BAIAP2L1: variants seen among roughly 807,000 people sequenced by gnomAD.
The protein encoded by BAIAP2L1 is BAR/IMD domain-containing adapter protein 2-like 1.
In BAIAP2L1, 35 loss-of-function variants were observed where a neutral mutation model predicts 66.3. The observed-to-expected ratio is 0.53, with a 90% confidence interval of 0.40 to 0.70. The LOEUF is 0.70. BAIAP2L1 is among the 30% of genes least tolerant of loss of function. The pLI, the probability that BAIAP2L1 is intolerant of heterozygous loss-of-function variation, is 0.00. For synonymous variants in BAIAP2L1, 269 were observed against 248.7 expected (o/e 1.08, Z -0.77); for missense variants, 622 against 656.9 (o/e 0.95, Z 0.58).
chr7:98,296,834 C>T (rs528369133), intron 12 of BAIAP2L1, among the ~76,000 whole-genome samples: 13 of 152,220 alleles, frequency 8.5e-5, no homozygotes, highest in South Asian at 4.1e-4. Flanking sequence ...TTGGCACATA[C>T]GGTGCCTCTT....
intron 1 of BAIAP2L1, chr7:98,385,728 C>CTTTTTTTTTTTTTTTTTT: frequency 9.2e-7 from 1 of 1,087,096 alleles, no homozygotes; most frequent in Non-Finnish European, 1.3e-6. Context: ...ATCAACATTT[C>CTTTTTTTTTTTTTTTTTT]TTTTTTTTGT....
intron 12 of BAIAP2L1, among the ~76,000 whole-genome samples, chr7:98,298,328 A>G (rs1218774558): frequency 6.7e-6 from 1 of 149,950 alleles, no homozygotes; most frequent in Non-Finnish European, 1.5e-5. Context: ...AAAAAACATT[A>G]GGGGCTGGGT....
intron 3 of BAIAP2L1, among the ~76,000 whole-genome samples, chr7:98,352,298 T>C (rs909754242): frequency 5.3e-5 from 8 of 152,188 alleles, no homozygotes; most frequent in African/African-American, 1.9e-4. Flanking sequence ...AAGGACAGCT[T>C]GAAACTAAAT....
chr7:98,301,126 C>A (rs1041850185), intron 12 of BAIAP2L1, among the ~76,000 whole-genome samples: 2 of 152,192 alleles, frequency 1.3e-5, no homozygotes, highest in Non-Finnish European at 2.9e-5. Context: ...ACCCCTCCCC[C>A]ACAGCCATAC....
chr7:98,324,811 T>C (rs938161839), intron 3 of BAIAP2L1, among the ~76,000 whole-genome samples: 1 of 152,190 alleles, frequency 6.6e-6, no homozygotes, highest in African/African-American at 2.4e-5. Context: ...TATTAATATA[T>C]TTTCTTCATC....
chr7:98,339,872 G>A (rs1057402640), intron 3 of BAIAP2L1, among the ~76,000 whole-genome samples: 7 of 152,170 alleles, frequency 4.6e-5, no homozygotes, highest in Non-Finnish European at 1.0e-4. Flanking sequence ...CAAGGATGGT[G>A]ATGATGGCAG....
intron 9 of BAIAP2L1, chr7:98,309,527 T>C (rs984832800): frequency 2.0e-5 from 3 of 152,196 alleles, no homozygotes; most frequent in Non-Finnish European, 4.4e-5. Context: ...GCACAGAGTA[T>C]TACATACTTT....
intron 1 of BAIAP2L1, among the ~76,000 whole-genome samples, chr7:98,389,712 A>G (rs947227361): frequency 6.6e-6 from 1 of 152,090 alleles, no homozygotes; most frequent in African/African-American, 2.4e-5. Context: ...TGTGCCTTTC[A>G]AAGATACAGC....
At chr7:98,356,307 TA>T (rs1303159480) in intron 2 of BAIAP2L1, among the ~76,000 whole-genome samples, 1 of 152,144 alleles carries the variant, frequency 6.6e-6, no homozygotes, top group Non-Finnish European at 1.5e-5. Flanking sequence ...CTGGTTAGTG[TA>T]ATTTTGGAGA....
chr7:98,295,949 T>C (rs917198588), intron 12 of BAIAP2L1, among the ~76,000 whole-genome samples: 4 of 152,144 alleles, frequency 2.6e-5, no homozygotes, highest in Non-Finnish European at 4.4e-5. Flanking sequence ...CGTGCACGCA[T>C]GCCTGGGGCC....
chr7:98,306,535 A>C lies in BAIAP2L1; in HGVS notation c.1164-19T>G. On this transcript the variant is annotated intron_variant, in intron 10 of 13. Transcript: ENST00000005260. ...ACCCCTCCTACCGGCAAAGAGGGAGAAAAGACCCTATCAGCAGTAGACATG... is the reference window on the plus strand; with the variant it reads ...ACCCCTCCTACCGGCAAAGAGGGAGCAAAGACCCTATCAGCAGTAGACATG... 6.2e-7 allele frequency: 1 copy of C among 1,614,080 alleles called. No homozygotes were observed. Among genetic ancestry groups the C allele is most frequent in the South Asian group, 1.1e-5 (1 of 91,082 alleles).
chr7:98,292,849 T>A lies in BAIAP2L1; in HGVS notation c.*672A>T. On this transcript the variant is annotated 3_prime_UTR_variant, in exon 14 of 14. Coordinates refer to ENST00000005260, the MANE Select transcript of BAIAP2L1 (RefSeq NM_018842.5). Reference sequence around the variant, plus strand: ...GTGCAGCGAATCCGTTGGCGACTCCTAACTACCAAGAAAAGGAGCTCTCGG... The same window carrying A: ...GTGCAGCGAATCCGTTGGCGACTCCAAACTACCAAGAAAAGGAGCTCTCGG... 6.9e-7 allele frequency: 1 copy of A among 1,457,838 alleles called. No individual in the cohort carries two copies. Among genetic ancestry groups the A allele is most frequent in the Non-Finnish European group, 9.1e-7 (1 of 1,104,180 alleles). The allele number at this position is 1,457,838 out of a possible 1,614,324, so 90.3% of individuals were successfully genotyped here.
chr7:98,393,102 T>TAC (rs1803098093), intron 1 of BAIAP2L1, among the ~76,000 whole-genome samples: 1 of 95,094 alleles, frequency 1.1e-5, no homozygotes, highest in Admixed American at 1.0e-4. Context: ...TATATACGTG[T>TAC]ACATATATGT....
chr7:98,383,250 C>T (rs1304183590), intron 1 of BAIAP2L1, among the ~76,000 whole-genome samples: 1 of 150,838 alleles, frequency 6.6e-6, no homozygotes, highest in Non-Finnish European at 1.5e-5. Context: ...AGCTGCTATA[C>T]CAAGATGACT....
chr7:98,322,883 C>G (rs751827577), intron 3 of BAIAP2L1: 1 of 152,234 alleles, frequency 6.6e-6, no homozygotes, highest in African/African-American at 2.4e-5. Context: ...AACCAGCTTC[C>G]GAGCTGTACT....
intron 3 of BAIAP2L1, among the ~76,000 whole-genome samples, chr7:98,328,229 G>C (rs1801415022): frequency 6.6e-6 from 1 of 152,156 alleles, no homozygotes; most frequent in East Asian, 1.9e-4. Flanking sequence ...GGAGGCCGGA[G>C]AAGGGCCAGG....
In BAIAP2L1 at chr7:98,295,553, C is replaced by T. The variant is rs928142654; in HGVS notation, c.1423-1442G>A. Among the ~76,000 whole-genome samples the T allele has an allele frequency of 7.2e-5, 11 of 152,270 alleles. No individual in the cohort carries two copies. The East Asian group carries it at 1.9e-3, about 27-fold the overall frequency. Reference sequence around the variant, plus strand: ...CCAGGGTGCCTGTCGCATGTGCTCACGGTGCTGGCATTCGTGGACTCTGTT... The same window carrying T: ...CCAGGGTGCCTGTCGCATGTGCTCATGGTGCTGGCATTCGTGGACTCTGTT... On this transcript the variant is annotated intron_variant, in intron 12 of 13. Coordinates refer to ENST00000005260, the MANE Select transcript of BAIAP2L1 (RefSeq NM_018842.5).
intron 1 of BAIAP2L1, among the ~76,000 whole-genome samples, chr7:98,364,804 T>G (rs1281532289): frequency 6.6e-6 from 1 of 151,286 alleles, no homozygotes; most frequent in Non-Finnish European, 1.5e-5. Context: ...GGACAACATA[T>G]CGAGACTCCC....
intron 1 of BAIAP2L1, among the ~76,000 whole-genome samples, chr7:98,368,079 A>G (rs1022910032): frequency 2.6e-5 from 4 of 152,136 alleles, no homozygotes; most frequent in East Asian, 3.9e-4. Context: ...ACCTCTGGCA[A>G]TTCCTGAGCT....
Sources: allele counts gnomAD v4.1 joint callset (sites outside exome capture counted in the v4.1 genomes callset), GRCh38; gene constraint gnomAD v4.1.1; transcripts MANE v1.5; gene names NCBI Gene and HGNC (gene_info 2026-07-23, HGNC 2026-07-21).